Variants in LRFN5 observed in about 807,000 individuals in gnomAD.
The protein encoded by LRFN5 is leucine-rich repeat and fibronectin type-III domain-containing protein 5.
A neutral mutation model predicts 45.6 loss-of-function variants in LRFN5; 24 were observed. The ratio of observed to expected loss-of-function variants is 0.53; its 90% CI spans 0.38 to 0.74. The LOEUF is 0.74. LRFN5 is among the 30% of genes least tolerant of loss of function. The pLI, the probability that LRFN5 is intolerant of heterozygous loss-of-function variation, is 0.00. For synonymous variants in LRFN5, 340 were observed against 313.8 expected (o/e 1.08, Z -0.88); for missense variants, 776 against 861.5 (o/e 0.90, Z 1.24).
At chr14:41,613,509 A>G (rs1887832000) in intron 1 of LRFN5, among the ~76,000 whole-genome samples, 2 of 151,924 alleles carry the variant, frequency 1.3e-5, no homozygotes, top group Admixed American at 1.3e-4. Context: ...TTTTTGTGGG[A>G]ACATATATAT....
intron 1 of LRFN5, among the ~76,000 whole-genome samples, chr14:41,755,492 T>C (rs1354470451): frequency 2.6e-5 from 4 of 152,218 alleles, no homozygotes; most frequent in Non-Finnish European, 4.4e-5. Flanking sequence ...GCTCTTCTTG[T>C]TGAATTGATC....
chr14:41,835,137 T>C (rs1391178207), intron 2 of LRFN5, among the ~76,000 whole-genome samples: 1 of 152,058 alleles, frequency 6.6e-6, no homozygotes, highest in African/African-American at 2.4e-5. Flanking sequence ...CAAAGTGAGG[T>C]GTAAATTTAA....
chr14:41,665,650 C>G (rs1880861608), intron 1 of LRFN5, among the ~76,000 whole-genome samples: 1 of 151,938 alleles, frequency 6.6e-6, no homozygotes, highest in Non-Finnish European at 1.5e-5. Context: ...GTTTGTGTCT[C>G]TTACTGCTCT....
chr14:41,725,791 A>G (rs1467324574), intron 1 of LRFN5, among the ~76,000 whole-genome samples: 1 of 152,138 alleles, frequency 6.6e-6, no homozygotes, highest in African/African-American at 2.4e-5. Flanking sequence ...CTGTTTCATA[A>G]TATATATAGA....
At chr14:41,747,438 G>A (rs543147542) in intron 1 of LRFN5, among the ~76,000 whole-genome samples, 1 of 152,036 alleles carries the variant, frequency 6.6e-6, no homozygotes, top group Non-Finnish European at 1.5e-5. Flanking sequence ...GGTGGGGAAA[G>A]GACAGTCTTT....
intron 1 of LRFN5, among the ~76,000 whole-genome samples, chr14:41,697,903 G>C (rs1056813744): frequency 6.6e-6 from 1 of 151,858 alleles, no homozygotes; most frequent in Non-Finnish European, 1.5e-5. Context: ...AAAAATATGA[G>C]AGTTATAGAA....
At chr14:41,733,255 G>T (rs1223404916) in intron 1 of LRFN5, among the ~76,000 whole-genome samples, 1 of 151,960 alleles carries the variant, frequency 6.6e-6, no homozygotes, top group South Asian at 2.1e-4. Flanking sequence ...TGAACTCAAA[G>T]ACAGCCACAC....
intron 1 of LRFN5, among the ~76,000 whole-genome samples, chr14:41,615,844 G>C (rs1056163416): frequency 6.6e-6 from 1 of 151,966 alleles, no homozygotes; most frequent in African/African-American, 2.4e-5. Context: ...TATTTCTGGG[G>C]TACAGGAGAT....
chr14:41,794,466 T>C (rs1028976750), intron 2 of LRFN5, among the ~76,000 whole-genome samples: 2 of 152,098 alleles, frequency 1.3e-5, no homozygotes, highest in African/African-American at 2.4e-5. Context: ...TTGTATTGCA[T>C]GTTTTACTAG....
At chr14:41,610,620 G>C (rs1238849106) in intron 1 of LRFN5, among the ~76,000 whole-genome samples, 1 of 113,104 alleles carries the variant, frequency 8.8e-6, no homozygotes, top group Admixed American at 1.2e-4. Flanking sequence ...AAGATATCTC[G>C]ACTTTAACAG....
chr14:41,858,192 C>A (rs770148415), intron 2 of LRFN5, among the ~76,000 whole-genome samples: 35 of 152,070 alleles, frequency 2.3e-4, no homozygotes, highest in Admixed American at 1.8e-3. Flanking sequence ...GAAATATTAT[C>A]TTCACCTGTT....
intron 2 of LRFN5, among the ~76,000 whole-genome samples, chr14:41,852,368 T>A (rs1472294595): frequency 6.6e-6 from 1 of 151,872 alleles, no homozygotes; most frequent in Non-Finnish European, 1.5e-5. Context: ...TAATTGATAA[T>A]CTATGAAAAA....
At chr14:41,728,700 A>C (rs1884041294) in intron 1 of LRFN5, among the ~76,000 whole-genome samples, 1 of 152,178 alleles carries the variant, frequency 6.6e-6, no homozygotes, top group South Asian at 2.1e-4. Context: ...GAAAGATTCC[A>C]AATTTTATAG....
chr14:41,787,676 A>G (rs1465039533), intron 2 of LRFN5, among the ~76,000 whole-genome samples: 1 of 151,602 alleles, frequency 6.6e-6, no homozygotes, highest in African/African-American at 2.4e-5. Context: ...TGTCTAGTTT[A>G]TATTTTATGT....
intron 1 of LRFN5, among the ~76,000 whole-genome samples, chr14:41,661,419 C>A (rs780375419): frequency 5.3e-5 from 8 of 151,888 alleles, no homozygotes; most frequent in Non-Finnish European, 1.2e-4. Flanking sequence ...TTGTTAACAA[C>A]CCTCAAGGGT....
At chr14:41,619,318 T>C (rs1306498452) in intron 1 of LRFN5, among the ~76,000 whole-genome samples, 1 of 152,132 alleles carries the variant, frequency 6.6e-6, no homozygotes, top group Non-Finnish European at 1.5e-5. Context: ...GACATACTAT[T>C]ACAGGTATAA....
At position 41,722,565 on chromosome 14, in the gene LRFN5, G is replaced by GTT. The variant is rs201341679; in HGVS notation, c.-196-44278_-196-44277dup. On this transcript the variant is annotated intron_variant, in intron 1 of 5. Coordinates refer to ENST00000298119, the MANE Select transcript of LRFN5 (RefSeq NM_152447.5). ...TTCTCTCCCTATAATAAAATACGGT[G>GTT]TTTTTTTTTTTTCTTTCTCTTTCCC... 3.7e-3 allele frequency among the ~76,000 whole-genome samples: 536 copies of GTT among 145,728 alleles called. 3 individuals are homozygous for GTT. The highest frequency in any genetic ancestry group is 8.3e-3 in the African/African-American group (328 of 39,660).
chr14:41,607,938 G>A lies in LRFN5; in HGVS notation c.-821G>A, dbSNP rs1450526623. 1.3e-5 allele frequency: 2 copies of A among 152,118 alleles called. No individual in the cohort carries two copies. Among genetic ancestry groups the A allele is most frequent in the African/African-American group, 4.8e-5 (2 of 41,394 alleles). The allele number at this position is 152,118 out of a possible 1,614,324, so 9.4% of individuals were successfully genotyped here. The stretch of plus-strand genomic sequence containing the variant: ...ATACAAAACAAAACAAAACAAATAA[G>A]GTAATGAGGATTGCTTATTAAACTG... On this transcript the variant is annotated 5_prime_UTR_variant, in exon 1 of 6. Coordinates refer to ENST00000298119, the MANE Select transcript of LRFN5 (RefSeq NM_152447.5).
At chr14:41,617,627 A>G (rs1887970853) in intron 1 of LRFN5, among the ~76,000 whole-genome samples, 1 of 152,060 alleles carries the variant, frequency 6.6e-6, no homozygotes. Flanking sequence ...CACTTTATCC[A>G]CTAGGAGATT....
Sources: allele counts gnomAD v4.1 joint callset (sites outside exome capture counted in the v4.1 genomes callset), GRCh38; gene constraint gnomAD v4.1.1; transcripts MANE v1.5; gene names NCBI Gene and HGNC (gene_info 2026-07-23, HGNC 2026-07-21).